The following CACNA1A variants were observed in gnomAD, a reference collection of about 807,000 sequenced individuals.
CACNA1A encodes voltage-dependent P/Q-type calcium channel subunit alpha-1A.
CACNA1A carries 57 observed loss-of-function variants against 262.4 expected under a neutral mutation model. The observed-to-expected ratio is 0.22, with a 90% confidence interval of 0.18 to 0.27. The LOEUF (loss-of-function observed/expected upper bound fraction) is 0.27, where lower values mean the gene tolerates loss of function less well. Ranked by LOEUF, CACNA1A falls within the 10% of genes least tolerant of loss-of-function variation. CACNA1A has a pLI of 1.00. For missense variants in CACNA1A, 2,526 were observed against 3,562.8 expected, an observed-to-expected ratio of 0.71 and a Z score of 7.41; for synonymous variants, 1,431 against 1,419.3, an observed-to-expected ratio of 1.01 and a Z score of -0.18.
chr19:13,208,711 C>T (rs1279951710), intron 46 of CACNA1A, 45 bp downstream of exon 46: 1 of 1,527,106 alleles, frequency 6.5e-7, no homozygotes, highest in Non-Finnish European at 8.8e-7. Flanking sequence ...CTCCTCCCCG[C>T]CTCCCGGCCG....
At chr19:13,469,703 C>T (rs939399481) in intron 1 of CACNA1A, among the ~76,000 whole-genome samples, 1 of 151,030 alleles carries the variant, frequency 6.6e-6, no homozygotes. Flanking sequence ...TTGTGATCCG[C>T]CCGCCTCGGC....
At chr19:13,345,404 T>A (rs1021366287) in intron 6 of CACNA1A, among the ~76,000 whole-genome samples, 1 of 152,090 alleles carries the variant, frequency 6.6e-6, no homozygotes, top group Non-Finnish European at 1.5e-5. Flanking sequence ...TAAATAACAA[T>A]GGGCCCAAGA....
chr19:13,288,124 T>C (rs2057447147), intron 19 of CACNA1A, among the ~76,000 whole-genome samples: 1 of 152,164 alleles, frequency 6.6e-6, no homozygotes, highest in African/African-American at 2.4e-5. Context: ...TTCTTATTCT[T>C]AGCTGAGTTT....
intron 10 of CACNA1A, among the ~76,000 whole-genome samples, chr19:13,323,759 A>C (rs903882464): frequency 2.6e-5 from 4 of 152,050 alleles, no homozygotes; most frequent in African/African-American, 9.7e-5. Context: ...GCTGTGCACA[A>C]ATTTTTTAGT....
intron 19 of CACNA1A, among the ~76,000 whole-genome samples, chr19:13,287,864 AG>A (rs2057441852): frequency 6.7e-6 from 1 of 148,288 alleles, no homozygotes; most frequent in African/African-American, 2.5e-5. Context: ...GAGCAGTGGC[AG>A]GATCATAGCT....
chr19:13,390,944 T>C (rs1012530132), intron 3 of CACNA1A, among the ~76,000 whole-genome samples: 6 of 152,114 alleles, frequency 3.9e-5, no homozygotes, highest in Admixed American at 3.9e-4. Flanking sequence ...TGGAGTGCAG[T>C]GGCGTGATTT....
intron 38 of CACNA1A, among the ~76,000 whole-genome samples, chr19:13,222,538 G>C (rs1336130410): frequency 6.6e-6 from 1 of 151,596 alleles, no homozygotes; most frequent in Non-Finnish European, 1.5e-5. Context: ...AGGGACTACA[G>C]GTGCGTGCCA....
chr19:13,493,704 T>C (rs1385215987), intron 1 of CACNA1A, among the ~76,000 whole-genome samples: 1 of 152,264 alleles, frequency 6.6e-6, no homozygotes, highest in Non-Finnish European at 1.5e-5. Flanking sequence ...AGGAATTTCA[T>C]TCAGAAAACT....
At chr19:13,445,125 A>T (rs2060785930) in intron 3 of CACNA1A, among the ~76,000 whole-genome samples, 1 of 149,786 alleles carries the variant, frequency 6.7e-6, no homozygotes, top group Non-Finnish European at 1.5e-5. Flanking sequence ...GGGCAACAAG[A>T]GAAAAACTCC....
Position 13,207,848 on chromosome 19 carries a change from C to A in CACNA1A, c.6986G>T (p.Arg2329Met). 8 of 1,466,808 alleles carry A rather than the reference C, an allele frequency of 5.5e-6. No homozygotes were observed. Among genetic ancestry groups the A allele is most frequent in the Non-Finnish European group, 6.3e-6 (7 of 1,116,642 alleles). The allele number at this position is 1,466,808 out of a possible 1,614,324, so 90.9% of individuals were successfully genotyped here. A position where few individuals can be genotyped will look rare whatever the true frequency, so the allele number is the denominator to read the frequency against. ...QQQQQQQAVARPGRAATSGPR... is the reference protein window; with the variant it reads ...QQQQQQQAVAMPGRAATSGPR... ...GCCGCTGGTGGCCGCCCGGCCCGGC[C>A]TGGCCACCGCCTGCTGCTGCTGCTG... is the stretch of plus-strand genomic sequence containing the variant. The change falls in exon 47 of 47, where the codon AGG (arginine) becomes ATG (methionine). Residue 2329 changes from arginine to methionine, a missense_variant. Physicochemically the swap from Arg to Met is moderately conservative, Grantham distance 91. This residue lies in a region of CACNA1A where 929 missense variants were observed against 868.1 expected (regional missense o/e 1.07). Transcript: ENST00000360228. The surrounding 1 kb of genome is among the most constrained non-coding windows in gnomAD (Gnocchi z 5.7).
chr19:13,281,895 T>C (rs984626161), intron 22 of CACNA1A, among the ~76,000 whole-genome samples: 4 of 152,180 alleles, frequency 2.6e-5, no homozygotes, highest in Non-Finnish European at 5.9e-5. Flanking sequence ...CCTTCAGCCC[T>C]GGGAGCTGCC....
Position 13,401,498 on chromosome 19 carries a change from C to T in CACNA1A, c.540-29719G>A, listed in dbSNP as rs112694489. Among the ~76,000 whole-genome samples the T allele has an allele frequency of 1.1e-3, 166 of 152,302 alleles. 2 individuals are homozygous for T. The highest frequency in any genetic ancestry group is 3.8e-3 in the African/African-American group (159 of 41,564). ...TGGTGCAAACATGGTGAGCTTCCCACTAAAGATTCACAAGTGGGACTGGGA... is the reference window on the plus strand; with the variant it reads ...TGGTGCAAACATGGTGAGCTTCCCATTAAAGATTCACAAGTGGGACTGGGA... On this transcript the variant is annotated intron_variant, in intron 3 of 46. Coordinates refer to ENST00000360228, the MANE Select transcript of CACNA1A (RefSeq NM_001127222.2).
intron 18 of CACNA1A, among the ~76,000 whole-genome samples, chr19:13,300,190 C>G (rs2057759422): frequency 6.6e-6 from 1 of 152,160 alleles, no homozygotes; most frequent in South Asian, 2.1e-4. Context: ...CTCTTCACTC[C>G]CAGCATTTGC....
chr19:13,494,947 A>G (rs1222272443), intron 1 of CACNA1A, among the ~76,000 whole-genome samples: 2 of 152,118 alleles, frequency 1.3e-5, no homozygotes. Context: ...AACCATATCA[A>G]TCAGTAATCT....
chr19:13,456,977 C>A (rs192859524), intron 1 of CACNA1A, among the ~76,000 whole-genome samples: 3 of 151,798 alleles, frequency 2.0e-5, no homozygotes, highest in African/African-American at 7.3e-5. Context: ...TGGCCAGATG[C>A]GGTGGCTCAT....
At chr19:13,267,344 C>T (rs1253432012) in intron 24 of CACNA1A, among the ~76,000 whole-genome samples, 1 of 152,158 alleles carries the variant, frequency 6.6e-6, no homozygotes, top group African/African-American at 2.4e-5. Context: ...TGGCGCTGGC[C>T]GATGTCCATC....
chr19:13,230,756 G>C (rs2055632740), intron 35 of CACNA1A, among the ~76,000 whole-genome samples: 1 of 151,690 alleles, frequency 6.6e-6, no homozygotes, highest in African/African-American at 2.4e-5. Context: ...GCAGTGAGCT[G>C]AGGTCTCGCC....
intron 34 of CACNA1A, among the ~76,000 whole-genome samples, chr19:13,232,241 G>A (rs2055693287): frequency 6.7e-6 from 1 of 148,388 alleles, no homozygotes; most frequent in Non-Finnish European, 1.5e-5. Context: ...CTGTTACCCA[G>A]GTTGGAGTGT....
At chr19:13,256,225 C>A (rs1003354089) in intron 28 of CACNA1A, 1 of 151,614 alleles carries the variant, frequency 6.6e-6, no homozygotes, top group Non-Finnish European at 1.5e-5. Context: ...CTTGAACTTC[C>A]GGGCTCAAGC....
Sources: gnomAD v4.1 joint callset for allele counts (sites outside exome capture counted in the v4.1 genomes callset) on GRCh38, gnomAD v4.1.1 for gene constraint, gnomAD v4.1.1 regional missense constraint, Gnocchi (gnomAD v3.1) non-coding constraint, MANE v1.5 for transcripts, NCBI Gene and HGNC (gene_info 2026-07-23, HGNC 2026-07-21) for gene names.